BANF2: variants seen among roughly 807,000 people sequenced by gnomAD.
The protein encoded by BANF2 is barrier-to-autointegration factor-like protein.
In BANF2, 4 loss-of-function variants were observed where a neutral mutation model predicts 8.0. The ratio of observed to expected loss-of-function variants is 0.50; its 90% CI spans 0.25 to 1.14. The LOEUF (loss-of-function observed/expected upper bound fraction) is 1.14, where lower values mean the gene tolerates loss of function less well. BANF2 is among the 50% of genes most tolerant of loss of function. The pLI, the probability that BANF2 is intolerant of heterozygous loss-of-function variation, is 0.16. For synonymous variants in BANF2, 50 were observed against 40.6 expected (o/e 1.23, Z -0.88); for missense variants, 96 against 107.5 (o/e 0.89, Z 0.47).
In BANF2 at chr20:17,734,901, A is replaced by T. The variant is rs2037954360; in HGVS notation, c.127-764A>T. On this transcript the variant is annotated intron_variant, in intron 3 of 3. Transcript: ENST00000246090. ...CAGGAGTTCGAGACCAGCCTGGACA[A>T]CATGGCAAAACCCCGTCTCTACTAA... Among the ~76,000 whole-genome samples the T allele has an allele frequency of 3.3e-5, 5 of 152,184 alleles. 1 individual carries two copies. The highest frequency in any genetic ancestry group is 3.3e-4 in the Admixed American group (5 of 15,286).
chr20:17,720,178 T>C (rs899364065), intron 1 of BANF2, among the ~76,000 whole-genome samples: 1 of 152,144 alleles, frequency 6.6e-6, no homozygotes, highest in Admixed American at 6.5e-5. Flanking sequence ...AGTATGGCAA[T>C]TCCTCAAAAA....
At chr20:17,694,750 C>G (rs1295303846) in intron 1 of BANF2, among the ~76,000 whole-genome samples, 5 of 151,146 alleles carry the variant, frequency 3.3e-5, no homozygotes, top group African/African-American at 1.2e-4. Flanking sequence ...TCCCAAGTAG[C>G]TAGAAATAGA....
intron 1 of BANF2, among the ~76,000 whole-genome samples, chr20:17,713,596 A>G (rs953557328): frequency 4.0e-5 from 6 of 151,718 alleles, no homozygotes; most frequent in Admixed American, 2.0e-4. Context: ...CACTTTGGAA[A>G]GCAGAGGCAG....
intron 3 of BANF2, among the ~76,000 whole-genome samples, chr20:17,729,939 T>A (rs2037867921): frequency 6.6e-6 from 1 of 152,208 alleles, no homozygotes; most frequent in Admixed American, 6.5e-5. Context: ...AATGCAGAAC[T>A]GTGGGGCAGG....
rs775946551 is a variant in BANF2 at position 17,725,121 on chromosome 20, G to A, written c.96G>A (p.Ala32=). ...CWVDGISHEL[A]INLVTKGINK... ...TGGATGGCATCAGCCATGAGCTCGC[G>A]ATCAATTTGGTCACCAAAGGTATCA... Residue 32 remains alanine (A), a synonymous_variant, in exon 3 of 4, where the codon GCG becomes GCA. Coordinates refer to ENST00000246090, the MANE Select transcript of BANF2 (RefSeq NM_178477.5). 17 of 1,613,100 alleles carry A rather than the reference G, an allele frequency of 1.1e-5. No homozygotes were observed. Among genetic ancestry groups the A allele is most frequent in the Middle Eastern group, 1.7e-4 (1 of 6,060 alleles).
intron 1 of BANF2, among the ~76,000 whole-genome samples, chr20:17,710,554 G>T (rs1415863084): frequency 6.6e-6 from 1 of 152,156 alleles, no homozygotes; most frequent in South Asian, 2.1e-4. Flanking sequence ...CATTTCTCCC[G>T]CTTGCCTGTG....
chr20:17,701,189 C>T (rs544780472), intron 1 of BANF2, among the ~76,000 whole-genome samples: 1 of 152,242 alleles, frequency 6.6e-6, no homozygotes, highest in East Asian at 1.9e-4. Context: ...ATGTTAGGCC[C>T]CACTGGAAAA....
intron 1 of BANF2, among the ~76,000 whole-genome samples, chr20:17,715,520 C>G (rs1046642186): frequency 3.3e-5 from 5 of 152,202 alleles, no homozygotes; most frequent in African/African-American, 1.2e-4. Flanking sequence ...AAATCTTGTT[C>G]CCCATTGCAG....
chr20:17,694,045 T>C (rs2037321847), intron 1 of BANF2, among the ~76,000 whole-genome samples: 1 of 152,234 alleles, frequency 6.6e-6, no homozygotes, highest in African/African-American at 2.4e-5. Context: ...AATTGGCAGA[T>C]TGAACTGAAT....
intron 1 of BANF2, among the ~76,000 whole-genome samples, chr20:17,705,056 G>T (rs576276720): frequency 3.1e-5 from 4 of 128,176 alleles, no homozygotes; most frequent in African/African-American, 1.3e-4. Flanking sequence ...CATTGGCCAG[G>T]CCTGGTCATG....
At chr20:17,704,599 C>T (rs573994744) in intron 1 of BANF2, among the ~76,000 whole-genome samples, 217 of 152,356 alleles carry the variant, frequency 1.4e-3, no homozygotes, top group Admixed American at 4.1e-3. Context: ...CTGTCCCATC[C>T]TACCTCCCAA....
chr20:17,723,414 C>T (rs1055251597), intron 2 of BANF2, among the ~76,000 whole-genome samples: 5 of 152,188 alleles, frequency 3.3e-5, no homozygotes, highest in Admixed American at 6.5e-5. Context: ...AGATTGAGCC[C>T]ATTCACAAAG....
At chr20:17,699,880 C>A (rs1365092798), upstream of BANF2, 4 of 619,798 alleles carry the variant, frequency 6.5e-6, no homozygotes, top group African/African-American at 6.0e-5. Context: ...GCCACTGCAG[C>A]CCTTTTTGTG....
intron 3 of BANF2, among the ~76,000 whole-genome samples, chr20:17,729,565 G>A (rs960811860): frequency 1.3e-5 from 2 of 152,096 alleles, no homozygotes; most frequent in South Asian, 2.1e-4. Context: ...GGTGAAACCC[G>A]TCTCTACTAA....
Position 17,713,294 on chromosome 20 carries a change from G to T in BANF2, c.-166-9422G>T, listed in dbSNP as rs2037603187. 5.9e-5 allele frequency among the ~76,000 whole-genome samples: 9 copies of T among 152,102 alleles called. No individual in the cohort carries two copies. In the South Asian group the frequency reaches 1.9e-3, roughly 32 times the overall value. ...GAGAGAGAGAGAGATCCTGTTGCAT[G>T]GATGCACCTTGAGGACATCAAGCTG... On this transcript the variant is annotated intron_variant, in intron 1 of 3. Transcript: ENST00000246090.
In BANF2 at chr20:17,725,003, T is replaced by C. The variant is rs932574291; in HGVS notation, c.-3-20T>C. The C allele has an allele frequency of 1.2e-6, 2 of 1,600,882 alleles. No homozygotes were observed. The highest frequency in any genetic ancestry group is 1.7e-6 in the Non-Finnish European group (2 of 1,169,312). ...AGTCAGGTATCTGCTAATCCTCCTC[T>C]CTCCCCACTGCTGTCGCAGGAGATG... On this transcript the variant is annotated intron_variant, in intron 2 of 3. Coordinates refer to ENST00000246090, the MANE Select transcript of BANF2 (RefSeq NM_178477.5).
At chr20:17,732,483 A>G (rs1479009841) in intron 3 of BANF2, among the ~76,000 whole-genome samples, 1 of 152,200 alleles carries the variant, frequency 6.6e-6, no homozygotes, top group Non-Finnish European at 1.5e-5. Context: ...CAGCCTCCCA[A>G]GTAGCTGGGA....
At chr20:17,721,647 C>T (rs1013739889) in intron 1 of BANF2, among the ~76,000 whole-genome samples, 11 of 152,164 alleles carry the variant, frequency 7.2e-5, no homozygotes, top group African/African-American at 2.7e-4. Context: ...CTGCCTCGGC[C>T]TCCCAAAGTG....
At chr20:17,717,295 A>G (rs1017923481) in intron 1 of BANF2, among the ~76,000 whole-genome samples, 2 of 152,072 alleles carry the variant, frequency 1.3e-5, no homozygotes, top group Non-Finnish European at 2.9e-5. Flanking sequence ...GCTTGTTGCT[A>G]CAAGACTGGA....
Sources: allele counts gnomAD v4.1 joint callset (sites outside exome capture counted in the v4.1 genomes callset), GRCh38; gene constraint gnomAD v4.1.1; transcripts MANE v1.5; gene names NCBI Gene and HGNC (gene_info 2026-07-23, HGNC 2026-07-21).